MPP7: variants seen among roughly 807,000 people sequenced by gnomAD.
MPP7 encodes the protein MAGUK p55 subfamily member 7.
Under a neutral mutation model 76.5 loss-of-function variants are expected in MPP7, and 60 were observed. The observed-to-expected ratio is 0.78, with a 90% CI of 0.64 to 0.97. The LOEUF (loss-of-function observed/expected upper bound fraction) is 0.97. Ranked by LOEUF, MPP7 falls within the 50% of genes least tolerant of loss-of-function variation. The probability of loss-of-function intolerance (pLI) is 0.00; values close to 1 mark genes in which losing one functional copy is unlikely to be tolerated. For synonymous variants in MPP7, 237 were observed against 244.5 expected, an observed-to-expected ratio of 0.97 and a Z score of 0.29; for missense variants, 641 against 694.0, an observed-to-expected ratio of 0.92 and a Z score of 0.86.
At position 28,087,087 on chromosome 10, in the gene MPP7, A is replaced by G. The variant is rs547524951; in HGVS notation, c.1123+2584T>C. On this transcript the variant is annotated intron_variant, in intron 12 of 16. Transcript: ENST00000683449. ...GGGTCATAAGAGCAGATCCCTCATG[A>G]ATAGATTAATGCCCTCCCTGGCGTG... Among the ~76,000 whole-genome samples the G allele has an allele frequency of 4.6e-5, 7 of 152,304 alleles. No homozygotes were observed. The South Asian group carries it at 1.5e-3, about 32-fold the overall frequency.
intron 5 of MPP7, among the ~76,000 whole-genome samples, chr10:28,141,617 T>C (rs1835521618): frequency 6.6e-6 from 1 of 151,342 alleles, no homozygotes; most frequent in Non-Finnish European, 1.5e-5. Flanking sequence ...TGTATACATA[T>C]AAATATATGC....
chr10:28,158,668 T>C (rs1021004128), intron 3 of MPP7, among the ~76,000 whole-genome samples: 6 of 152,096 alleles, frequency 3.9e-5, no homozygotes, highest in Non-Finnish European at 8.8e-5. Context: ...GGCCTACAAA[T>C]GATGCATGAG....
chr10:28,298,239 A>C (rs1456358146), intron 1 of MPP7, among the ~76,000 whole-genome samples: 1 of 152,236 alleles, frequency 6.6e-6, no homozygotes, highest in Non-Finnish European at 1.5e-5. Context: ...TACTTAGCCA[A>C]GATCCATCAG....
At chr10:28,113,490 G>A (rs577209991) in intron 11 of MPP7, among the ~76,000 whole-genome samples, 1 of 152,142 alleles carries the variant, frequency 6.6e-6, no homozygotes, top group Non-Finnish European at 1.5e-5. Flanking sequence ...TATCTTGGTA[G>A]GAATAAACCG....
intron 1 of MPP7, among the ~76,000 whole-genome samples, chr10:28,282,913 G>C (rs1840712019): frequency 6.6e-6 from 1 of 151,882 alleles, no homozygotes; most frequent in African/African-American, 2.4e-5. Context: ...GTCTCAACCT[G>C]AGGTACGGTG....
chr10:28,115,089 T>TTTG (rs1166822961), intron 11 of MPP7, among the ~76,000 whole-genome samples: 2 of 151,826 alleles, frequency 1.3e-5, no homozygotes, highest in East Asian at 3.9e-4. Context: ...TGTTTGTTTG[T>TTTG]TTGTTTTGTT....
chr10:28,247,449 TTATG>T (rs1451457464), intron 1 of MPP7, among the ~76,000 whole-genome samples: 2 of 152,214 alleles, frequency 1.3e-5, no homozygotes, highest in Non-Finnish European at 2.9e-5. Context: ...TCATGTATAT[TTATG>T]TATGTATGTT....
At chr10:28,109,841 G>A (rs540373106) in intron 11 of MPP7, among the ~76,000 whole-genome samples, 1 of 44,552 alleles carries the variant, frequency 2.2e-5, no homozygotes, top group South Asian at 1.1e-3. Context: ...AAGGCCAGCC[G>A]CAGACGCAAA....
chr10:28,193,702 T>C (rs911490910), intron 3 of MPP7, among the ~76,000 whole-genome samples: 7 of 151,940 alleles, frequency 4.6e-5, no homozygotes, highest in African/African-American at 1.7e-4. Flanking sequence ...ATACAAAGAA[T>C]TGTTAAAGCT....
intron 2 of MPP7, among the ~76,000 whole-genome samples, chr10:28,216,434 T>C (rs1010241925): frequency 6.6e-6 from 1 of 152,166 alleles, no homozygotes; most frequent in Non-Finnish European, 1.5e-5. Flanking sequence ...ATACTGACAA[T>C]ATTGGCTGAT....
At chr10:28,326,808 G>A (rs571804720) in intron 2 of MPP7, among the ~76,000 whole-genome samples, 7 of 152,286 alleles carry the variant, frequency 4.6e-5, no homozygotes, top group East Asian at 3.9e-4. Context: ...CATGCCAGTC[G>A]GTTCACCAGA....
chr10:28,059,933 T>C (rs1353593245), intron 13 of MPP7, among the ~76,000 whole-genome samples, 190 bp from the exon 14 acceptor site: 3 of 152,238 alleles, frequency 2.0e-5, no homozygotes, highest in African/African-American at 4.8e-5. Context: ...TAAAATTATA[T>C]TGATTTGAAG....
chr10:28,305,973 AGT>A (rs1273199062), upstream of MPP7: 2 of 152,224 alleles, frequency 1.3e-5, no homozygotes, highest in Non-Finnish European at 2.9e-5. Context: ...AACGGTGAGC[AGT>A]ATTAATCCTA....
intron 1 of MPP7, among the ~76,000 whole-genome samples, chr10:28,331,559 G>A (rs1187498533): frequency 3.3e-5 from 5 of 151,970 alleles, no homozygotes; most frequent in African/African-American, 1.2e-4. Context: ...CAGTTTGTAG[G>A]GTTTTTAAAA....
intron 1 of MPP7, among the ~76,000 whole-genome samples, chr10:28,295,625 G>A (rs868488854): frequency 2.4e-4 from 37 of 152,102 alleles, no homozygotes; most frequent in Middle Eastern, 3.2e-3. Context: ...CACATACAGA[G>A]AAACTGTCCA....
chr10:28,159,878 A>G (rs1307272807), intron 3 of MPP7, among the ~76,000 whole-genome samples: 5 of 152,216 alleles, frequency 3.3e-5, no homozygotes, highest in African/African-American at 9.6e-5. Flanking sequence ...TCACTAAGTT[A>G]TGCAGATTTT....
intron 12 of MPP7, 103 bp from the exon 13 acceptor site, chr10:28,069,955 C>T (rs1852159531): frequency 1.4e-6 from 1 of 718,486 alleles, no homozygotes; most frequent in Admixed American, 2.1e-5. Context: ...ATGGATCCAG[C>T]TTTGCATCCT....
chr10:28,243,399 A>ATT (rs35662382), intron 1 of MPP7, among the ~76,000 whole-genome samples: 2 of 145,874 alleles, frequency 1.4e-5, no homozygotes, highest in Admixed American at 6.9e-5. Context: ...AACAAATGTG[A>ATT]TTTTTTTTTT....
intron 12 of MPP7, among the ~76,000 whole-genome samples, chr10:28,070,614 T>C (rs1299470778): frequency 6.6e-6 from 1 of 152,244 alleles, no homozygotes; most frequent in African/African-American, 2.4e-5. Flanking sequence ...CACATTTACA[T>C]GTGCTGAGAC....
Sources: gnomAD v4.1 joint callset for allele counts (sites outside exome capture counted in the v4.1 genomes callset) on GRCh38, gnomAD v4.1.1 for gene constraint, MANE v1.5 for transcripts, NCBI Gene and HGNC (gene_info 2026-07-23, HGNC 2026-07-21) for gene names.